Variants in MECOM observed in about 807,000 individuals in gnomAD.
The protein encoded by MECOM is MDS1 and EVI1 complex locus, also known as histone-lysine N-methyltransferase MECOM.
Under a neutral mutation model 116.3 loss-of-function variants are expected in MECOM, and 13 were observed. The observed-to-expected ratio is 0.11, with a 90% CI of 0.07 to 0.18. MECOM has a LOEUF of 0.18. Among genes scored for constraint, MECOM ranks in the 10% least tolerant of loss-of-function variants. MECOM has a pLI of 1.00. For synonymous variants in MECOM, 528 were observed against 535.2 expected (o/e 0.99, Z 0.19); for missense variants, 1,299 against 1,509.0 (o/e 0.86, Z 2.31).
intron 10 of MECOM, among the ~76,000 whole-genome samples, chr3:169,104,391 A>G (rs1235648016): frequency 6.6e-6 from 1 of 152,204 alleles, no homozygotes; most frequent in African/African-American, 2.4e-5. Context: ...TCCTTGCAGA[A>G]AATCATTTTG....
intron 1 of MECOM, among the ~76,000 whole-genome samples, chr3:169,602,309 C>T (rs779512249): frequency 6.6e-6 from 1 of 152,130 alleles, no homozygotes; most frequent in Non-Finnish European, 1.5e-5. Context: ...TTCCAGATAG[C>T]CTTAACCACC....
chr3:169,361,424 A>G (rs968606234), intron 2 of MECOM, among the ~76,000 whole-genome samples: 1 of 151,836 alleles, frequency 6.6e-6, no homozygotes, highest in Non-Finnish European at 1.5e-5. Flanking sequence ...GAATTCCACA[A>G]TCCTTCCTTC....
chr3:169,150,439 C>T (rs979425483), intron 2 of MECOM, among the ~76,000 whole-genome samples: 1 of 152,224 alleles, frequency 6.6e-6, no homozygotes, highest in African/African-American at 2.4e-5. Context: ...CTGCAAAAGC[C>T]GCTGTCTGCT....
chr3:169,410,520 T>C (rs1237010707), intron 1 of MECOM, among the ~76,000 whole-genome samples: 1 of 152,222 alleles, frequency 6.6e-6, no homozygotes, highest in Non-Finnish European at 1.5e-5. Context: ...ATCTCAACTT[T>C]TCCCCCTGGA....
intron 2 of MECOM, among the ~76,000 whole-genome samples, chr3:169,232,486 T>C (rs1052708718): frequency 9.9e-5 from 15 of 151,950 alleles, no homozygotes; most frequent in African/African-American, 2.4e-5. Context: ...ACTTATGTAT[T>C]GCAACTGGCA....
intron 1 of MECOM, among the ~76,000 whole-genome samples, chr3:169,598,339 T>A (rs1767387794): frequency 6.6e-6 from 1 of 152,198 alleles, no homozygotes; most frequent in Non-Finnish European, 1.5e-5. Context: ...GTAATTTCCA[T>A]CATATGAAAT....
At chr3:169,383,684 C>A (rs1732847935) in intron 1 of MECOM, among the ~76,000 whole-genome samples, 1 of 152,174 alleles carries the variant, frequency 6.6e-6, no homozygotes, top group South Asian at 2.1e-4. Flanking sequence ...CCTGGCAGAC[C>A]AATTTTCCTG....
At chr3:169,386,141 T>A (rs1238061281) in intron 1 of MECOM, among the ~76,000 whole-genome samples, 1 of 152,236 alleles carries the variant, frequency 6.6e-6, no homozygotes, top group African/African-American at 2.4e-5. Flanking sequence ...TTTATTTATA[T>A]GTGTCTTTGA....
Position 169,469,240 on chromosome 3 carries a change from G to T in MECOM, c.38-87716C>A, listed in dbSNP as rs73040821. 7.6e-3 allele frequency among the ~76,000 whole-genome samples: 1,159 copies of T among 152,224 alleles called. 10 individuals carry two copies. Among genetic ancestry groups the T allele is most frequent in the African/African-American group, 0.027 (1,105 of 41,536 alleles). On this transcript the variant is annotated intron_variant, in intron 1 of 16. Coordinates refer to ENST00000651503, the MANE Select transcript of MECOM (RefSeq NM_004991.4). The stretch of plus-strand genomic sequence containing the variant: ...TTTCCCAGGTAAAGGTGGTGAGAGT[G>T]CTCCTAGCAGAACAAGCAGTATAAG...
intron 2 of MECOM, among the ~76,000 whole-genome samples, chr3:169,220,889 C>G (rs1348362234): frequency 6.6e-6 from 1 of 152,006 alleles, no homozygotes; most frequent in Non-Finnish European, 1.5e-5. Flanking sequence ...TCCTGAGGCT[C>G]GAACAATATC....
At chr3:169,281,012 T>C (rs1711845979) in intron 2 of MECOM, among the ~76,000 whole-genome samples, 1 of 152,252 alleles carries the variant, frequency 6.6e-6, no homozygotes, top group Non-Finnish European at 1.5e-5. Flanking sequence ...TCAAAGCCTT[T>C]GGCTTGGAAT....
chr3:169,122,166 T>C (rs772659039), intron 6 of MECOM, among the ~76,000 whole-genome samples: 5 of 152,122 alleles, frequency 3.3e-5, no homozygotes, highest in Non-Finnish European at 5.9e-5. Context: ...AATATAAGAG[T>C]CACCCATTCT....
At chr3:169,424,786 G>A (rs1171942214) in intron 1 of MECOM, among the ~76,000 whole-genome samples, 1 of 151,960 alleles carries the variant, frequency 6.6e-6, no homozygotes, top group African/African-American at 2.4e-5. Flanking sequence ...AGATTCCAGA[G>A]GCATTTTATG....
At chr3:169,386,692 T>C (rs1733376819) in intron 1 of MECOM, among the ~76,000 whole-genome samples, 1 of 152,152 alleles carries the variant, frequency 6.6e-6, no homozygotes, top group Non-Finnish European at 1.5e-5. Flanking sequence ...ATCATGAAAA[T>C]GAGCCTTCCT....
chr3:169,274,371 T>C (rs934809129), intron 2 of MECOM, among the ~76,000 whole-genome samples: 7 of 152,200 alleles, frequency 4.6e-5, no homozygotes, highest in Non-Finnish European at 8.8e-5. Flanking sequence ...CATTCTGTAA[T>C]GTATATCATG....
chr3:169,168,182 T>A (rs939442207), intron 2 of MECOM, among the ~76,000 whole-genome samples: 1 of 152,220 alleles, frequency 6.6e-6, no homozygotes, highest in East Asian at 1.9e-4. Flanking sequence ...TTTTTTACCT[T>A]ACAGTATAAT....
chr3:169,412,406 G>A, intron 1 of MECOM, among the ~76,000 whole-genome samples: 1 of 151,898 alleles, frequency 6.6e-6, no homozygotes, highest in Admixed American at 6.6e-5. Flanking sequence ...AATCCATGCT[G>A]TTTTCCATAA....
intron 2 of MECOM, among the ~76,000 whole-genome samples, chr3:169,321,536 G>A (rs777410262): frequency 9.9e-4 from 146 of 147,098 alleles, no homozygotes; most frequent in Non-Finnish European, 1.5e-3. Flanking sequence ...GCGAGACTCC[G>A]TCTCAAAAAA....
intron 2 of MECOM, among the ~76,000 whole-genome samples, chr3:169,313,079 C>A (rs917920403): frequency 1.3e-5 from 2 of 151,964 alleles, no homozygotes; most frequent in African/African-American, 4.8e-5. Context: ...AGAAGAGAAT[C>A]AAAAGTAAAT....
Sources: gnomAD v4.1 joint callset for allele counts (sites outside exome capture counted in the v4.1 genomes callset) on GRCh38, gnomAD v4.1.1 for gene constraint, MANE v1.5 for transcripts, NCBI Gene and HGNC (gene_info 2026-07-23, HGNC 2026-07-21) for gene names.